The following PCDHGB7 variants were observed in gnomAD, a reference collection of about 807,000 sequenced individuals.
PCDHGB7 encodes protocadherin gamma-B7.
Under a neutral mutation model 61.4 loss-of-function variants are expected in PCDHGB7, and 37 were observed. That is an observed-to-expected ratio of 0.60 (90% confidence interval 0.46 to 0.79). The LOEUF (loss-of-function observed/expected upper bound fraction) is 0.79, where lower values mean the gene tolerates loss of function less well. Ranked by LOEUF, PCDHGB7 falls within the 30% of genes least tolerant of loss-of-function variation. PCDHGB7 has a pLI of 0.00. For missense variants in PCDHGB7, 1,166 were observed against 1,202.5 expected (o/e 0.97, Z 0.45); for synonymous variants, 464 against 503.5 (o/e 0.92, Z 1.05).
At position 141,476,994 on chromosome 5, in the gene PCDHGB7, A is replaced by T; in HGVS notation, c.2416-17813A>T. 6.2e-7 allele frequency: 1 copy of T among 1,614,260 alleles called. No individual in the cohort carries two copies. The highest frequency in any genetic ancestry group is 2.2e-5 in the East Asian group (1 of 44,884). On this transcript the variant is annotated intron_variant, in intron 1 of 3. Transcript: ENST00000398594. This position sits in a 1 kb window ranked among gnomAD's most constrained non-coding sequence, Gnocchi z 7.6. ...AGCCACAACCGCGCCGGCGTGCGGC[A>T]ACTATTCGCCTTAGACCTTGTAACC...
rs2099664737 is a variant in PCDHGB7, at chr5:141,487,754, G to GTAGAC, written c.2416-7052_2416-7048dup. 1 of 1,552,036 alleles carries GTAGAC rather than the reference G, an allele frequency of 6.4e-7. No homozygotes were observed. The highest frequency in any genetic ancestry group is 1.4e-5 in the African/African-American group (1 of 73,242). ...CATTTTTGTAAGAGGTAACTATGTG[G>GTAGAC]TAGACGCTGTGCTTTGTAACTGTTT... On this transcript the variant is annotated intron_variant, in intron 1 of 3. Transcript: ENST00000398594. This position sits in a 1 kb window ranked among gnomAD's most constrained non-coding sequence, Gnocchi z 5.0.
At chr5:141,422,330 CTCT>C in intron 1 of PCDHGB7, 1 of 1,548,166 alleles carries the variant, frequency 6.5e-7, no homozygotes, top group East Asian at 2.2e-5. Context: ...ACAGTGATTG[CTCT>C]TCTAAATGTG....
intron 1 of PCDHGB7, among the ~76,000 whole-genome samples, chr5:141,454,918 C>T (rs1474616925): frequency 6.7e-6 from 1 of 149,344 alleles, no homozygotes; most frequent in Non-Finnish European, 1.5e-5. Context: ...CGCCATTCTC[C>T]TGCCTCAGCC....
At chr5:141,443,209 C>T (rs1183847804) in intron 1 of PCDHGB7, among the ~76,000 whole-genome samples, 2 of 152,030 alleles carry the variant, frequency 1.3e-5, no homozygotes, top group African/African-American at 2.4e-5. Flanking sequence ...GAGCTTGTCT[C>T]GCCAGGCGCA....
chr5:141,421,569 C>T (rs1029858235), intron 1 of PCDHGB7: 2 of 1,613,884 alleles, frequency 1.2e-6, no homozygotes, highest in Non-Finnish European at 1.7e-6. Flanking sequence ...TGGAAGACAC[C>T]TTGAAGATTT....
intron 1 of PCDHGB7, among the ~76,000 whole-genome samples, chr5:141,450,639 A>T (rs1390959433): frequency 6.6e-6 from 1 of 151,390 alleles, no homozygotes; most frequent in Non-Finnish European, 1.5e-5. Flanking sequence ...GATGCCTGCC[A>T]CCATGCCTGG....
chr5:141,432,627 C>T lies in PCDHGB7; in HGVS notation c.2415+12353C>T. ...GGACTCTTCTCGGTGGGTCTGCACA[C>T]GGGCGAGGTGCGCACGGCGCGAGCC... On this transcript the variant is annotated intron_variant, in intron 1 of 3. Coordinates refer to ENST00000398594, the MANE Select transcript of PCDHGB7 (RefSeq NM_018927.4). This position sits in a 1 kb window ranked among gnomAD's most constrained non-coding sequence, Gnocchi z 6.0. 1.2e-6 allele frequency: 2 copies of T among 1,613,770 alleles called. No individual in the cohort carries two copies. Among genetic ancestry groups the T allele is most frequent in the Non-Finnish European group, 1.7e-6 (2 of 1,179,944 alleles).
Position 141,417,921 on chromosome 5 carries a change from T to G in PCDHGB7, c.62T>G (p.Leu21Arg), listed in dbSNP as rs771406905. 7.5e-6 allele frequency: 12 copies of G among 1,607,746 alleles called. No homozygotes were observed. The Admixed American group carries it at 1.7e-4, about 23-fold the overall frequency. Residue 21 changes from leucine to arginine, a missense_variant, in exon 1 of 4, where the codon CTG (leucine) becomes CGG (arginine). Transcript: ENST00000398594. ...CCGCGGCAGGTACTATTTCCTTTGC[T>G]GCTGCCTTTGTTCTACCCCACGCTG... ...AGPRQVLFPL[L>R]LPLFYPTLCE...
At chr5:141,510,873 T>A in intron 3 of PCDHGB7, 74 bp from the exon 4 acceptor site, 1 of 1,609,964 alleles carries the variant, frequency 6.2e-7, no homozygotes, top group Non-Finnish European at 8.5e-7. Flanking sequence ...ATTCATTAAC[T>A]GCTGGGGATA....
At position 141,418,763 on chromosome 5, in the gene PCDHGB7, C is replaced by G. The variant is rs914122527; in HGVS notation, c.904C>G (p.Leu302Val). Reference protein sequence around the residue: ...FSLDYTTGNILTQQPLDFEEV... With the variant: ...FSLDYTTGNIVTQQPLDFEEV... The stretch of plus-strand genomic sequence containing the variant: ...TCTGGATTACACTACAGGAAACATT[C>G]TAACTCAGCAGCCTTTGGATTTTGA... The change falls in exon 1 of 4, where the codon CTA becomes GTA. Residue 302 changes from leucine to valine, a missense_variant. Physicochemically the swap from Leu to Val is conservative, Grantham distance 32. Coordinates refer to ENST00000398594, the MANE Select transcript of PCDHGB7 (RefSeq NM_018927.4). 5 of 1,613,728 alleles carry G rather than the reference C, an allele frequency of 3.1e-6. No homozygotes were observed. The Admixed American group carries it at 5.0e-5, about 16-fold the overall frequency.
At chr5:141,463,493 G>C (rs2099061978) in intron 1 of PCDHGB7, among the ~76,000 whole-genome samples, 1 of 128,844 alleles carries the variant, frequency 7.8e-6, no homozygotes, top group Admixed American at 9.6e-5. Flanking sequence ...CTGTCACCCA[G>C]GCTGGAGTGA....
In PCDHGB7 at chr5:141,490,601, T is replaced by C. The variant is rs777393370; in HGVS notation, c.2416-4206T>C. 1 of 1,614,176 alleles carries C rather than the reference T, an allele frequency of 6.2e-7. No homozygotes were observed. The highest frequency in any genetic ancestry group is 8.5e-7 in the Non-Finnish European group (1 of 1,180,030). ...GATGTCAATGACAATGCACCCCGCTTCAACCAGCAGCTTTACACTGCTTAC... is the reference window on the plus strand; with the variant it reads ...GATGTCAATGACAATGCACCCCGCTCCAACCAGCAGCTTTACACTGCTTAC... On this transcript the variant is annotated intron_variant, in intron 1 of 3. Transcript: ENST00000398594. This position sits in a 1 kb window ranked among gnomAD's most constrained non-coding sequence, Gnocchi z 5.4.
Position 141,432,028 on chromosome 5 carries a change from C to T in PCDHGB7, c.2415+11754C>T, listed in dbSNP as rs776543767. ...TTCCTAGCTACAACATCACAGTGAC[C>T]GCCACTGACCGGGGAACCCCGCCCC... On this transcript the variant is annotated intron_variant, in intron 1 of 3. Coordinates refer to ENST00000398594, the MANE Select transcript of PCDHGB7 (RefSeq NM_018927.4). The surrounding 1 kb of genome is among the most constrained non-coding windows in gnomAD (Gnocchi z 6.0). The T allele has an allele frequency of 1.1e-5, 18 of 1,614,050 alleles. No individual in the cohort carries two copies. The highest frequency in any genetic ancestry group is 9.9e-5 in the South Asian group (9 of 91,090).
intron 3 of PCDHGB7, among the ~76,000 whole-genome samples, chr5:141,507,817 G>C (rs1038461861): frequency 3.3e-5 from 5 of 152,206 alleles, no homozygotes; most frequent in Non-Finnish European, 5.9e-5. Context: ...AACGGACCCT[G>C]GGGGTGGAGG....
chr5:141,470,577 C>T (rs75062402), intron 1 of PCDHGB7, among the ~76,000 whole-genome samples: 8,307 of 152,270 alleles, frequency 0.055, 479 homozygotes, highest in African/African-American at 0.15. Flanking sequence ...GCAGGATCAA[C>T]TTCATAGGCA....
chr5:141,433,307 C>A, intron 1 of PCDHGB7: 1 of 913,756 alleles, frequency 1.1e-6, no homozygotes, highest in Non-Finnish European at 1.6e-6. Flanking sequence ...AATTATCCCA[C>A]CTTTGCCTCC....
At chr5:141,421,185 C>T in intron 1 of PCDHGB7, 1 of 1,463,494 alleles carries the variant, frequency 6.8e-7, no homozygotes, top group Non-Finnish European at 9.1e-7. Flanking sequence ...GATTCACAAC[C>T]AACCAGCTCG....
At chr5:141,504,785 G>A (rs1439244687) in intron 2 of PCDHGB7, among the ~76,000 whole-genome samples, 1 of 151,964 alleles carries the variant, frequency 6.6e-6, no homozygotes, top group East Asian at 1.9e-4. Context: ...GTCTCTTGGG[G>A]CCTCCTACAT....
rs150897033 is a variant in PCDHGB7, at chr5:141,453,434, G to C, written c.2415+33160G>C. Among the ~76,000 whole-genome samples the C allele has an allele frequency of 3.9e-3, 592 of 151,994 alleles. 6 individuals are homozygous for C. The highest frequency in any genetic ancestry group is 0.011 in the Admixed American group (171 of 15,256). On this transcript the variant is annotated intron_variant, in intron 1 of 3. Coordinates refer to ENST00000398594, the MANE Select transcript of PCDHGB7 (RefSeq NM_018927.4). Reference sequence around the variant, plus strand: ...GGCATAAGCCACCACACCTAGCCTAGTATTCTTTTTTGAATATGTAAAACA... The same window carrying C: ...GGCATAAGCCACCACACCTAGCCTACTATTCTTTTTTGAATATGTAAAACA...
Sources: gnomAD v4.1 joint callset for allele counts (sites outside exome capture counted in the v4.1 genomes callset) on GRCh38, gnomAD v4.1.1 for gene constraint, Gnocchi (gnomAD v3.1) non-coding constraint, MANE v1.5 for transcripts, NCBI Gene and HGNC (gene_info 2026-07-23, HGNC 2026-07-21) for gene names.